HNF4A: variants seen among roughly 807,000 people sequenced by gnomAD.
HNF4A encodes the protein hepatocyte nuclear factor 4-alpha.
In HNF4A, 15 loss-of-function variants were observed where a neutral mutation model predicts 52.4. That is an observed-to-expected ratio of 0.29 (90% CI 0.19 to 0.44). The LOEUF is 0.44. HNF4A is among the 20% of genes least tolerant of loss of function. The pLI, the probability that HNF4A is intolerant of heterozygous loss-of-function variation, is 1.00. For missense variants in HNF4A, 479 were observed against 647.2 expected, an observed-to-expected ratio of 0.74 and a Z score of 2.82; for synonymous variants, 280 against 264.4, an observed-to-expected ratio of 1.06 and a Z score of -0.57.
At chr20:44,374,048 T>C (rs1255619772) in intron 1 of HNF4A, among the ~76,000 whole-genome samples, 1 of 152,186 alleles carries the variant, frequency 6.6e-6, no homozygotes, top group Non-Finnish European at 1.5e-5. Flanking sequence ...TACATGGGTA[T>C]ATTGTGTGAC....
At chr20:44,408,862 G>T (rs995152565) in intron 3 of HNF4A, among the ~76,000 whole-genome samples, 2 of 151,970 alleles carry the variant, frequency 1.3e-5, no homozygotes, top group African/African-American at 4.8e-5. Context: ...GCCAAACCTT[G>T]GTCTAGTCCT....
chr20:44,418,844 C>T (rs920869605), intron 6 of HNF4A, among the ~76,000 whole-genome samples: 5 of 152,122 alleles, frequency 3.3e-5, no homozygotes, highest in South Asian at 2.1e-4. Flanking sequence ...GATGTGATCT[C>T]GGCTCACTTC....
intron 7 of HNF4A, among the ~76,000 whole-genome samples, chr20:44,421,279 C>T (rs997887991): frequency 6.6e-6 from 1 of 152,208 alleles, no homozygotes; most frequent in African/African-American, 2.4e-5. Context: ...GACTTTTGCA[C>T]CTGCATTTAT....
intron 1 of HNF4A, chr20:44,402,479 C>T: frequency 9.4e-7 from 1 of 1,059,778 alleles, no homozygotes; most frequent in Non-Finnish European, 1.3e-6. Context: ...TGCACAGACC[C>T]AAATGCAGGA....
intron 2 of HNF4A, 61 bp downstream of exon 2, chr20:44,406,293 T>C (rs1485179374): frequency 6.7e-7 from 1 of 1,490,294 alleles, no homozygotes; most frequent in African/African-American, 1.4e-5. Flanking sequence ...GGCCCCAAGG[T>C]CTGTCTTCTC....
At chr20:44,405,128 CTG>C (rs2146363019) in intron 1 of HNF4A, among the ~76,000 whole-genome samples, 1 of 35,004 alleles carries the variant, frequency 2.9e-5, no homozygotes, top group South Asian at 8.3e-4. Context: ...TGTGTGTGGA[CTG>C]TGTGGCACAC....
chr20:44,355,790 T>G (rs749349806), exon 1 of HNF4A: 1 of 1,613,366 alleles, frequency 6.2e-7, no homozygotes, highest in South Asian at 1.1e-5. Flanking sequence ...GCTCTCCGGC[T>G]GGGTGGGCTT....
chr20:44,397,333 G>C (rs2063362041), upstream of HNF4A, among the ~76,000 whole-genome samples: 1 of 152,112 alleles, frequency 6.6e-6, no homozygotes, highest in Non-Finnish European at 1.5e-5. Flanking sequence ...TCCCTTGGAG[G>C]AAGGGAATGA....
At chr20:44,421,576 A>C (rs2063744488) in intron 7 of HNF4A, among the ~76,000 whole-genome samples, 1 of 151,944 alleles carries the variant, frequency 6.6e-6, no homozygotes. Context: ...CAACATGGTG[A>C]AACCCCGTCT....
chr20:44,426,843 G>T (rs1318435832), intron 8 of HNF4A, among the ~76,000 whole-genome samples: 1 of 152,120 alleles, frequency 6.6e-6, no homozygotes, highest in African/African-American at 2.4e-5. Flanking sequence ...ATAGTGAAAA[G>T]AGAGTGTCAG....
intron 5 of HNF4A, among the ~76,000 whole-genome samples, chr20:44,417,576 A>G (rs1285630808): frequency 6.6e-6 from 1 of 152,116 alleles, no homozygotes; most frequent in African/African-American, 2.4e-5. Context: ...TGATTTCCCA[A>G]ACAGAATTGC....
At chr20:44,389,634 A>G (rs1168154952) in intron 1 of HNF4A, 1 of 152,194 alleles carries the variant, frequency 6.6e-6, no homozygotes, top group Non-Finnish European at 1.5e-5. Context: ...GACGATTTCC[A>G]TCCTTTATTC....
chr20:44,434,394 A>G (rs566575737), downstream of HNF4A: 1 of 151,956 alleles, frequency 6.6e-6, no homozygotes. Flanking sequence ...TTCGCTGTCT[A>G]CCTGATCCCT....
chr20:44,381,994 C>T lies in HNF4A; in HGVS notation c.50-24064C>T, dbSNP rs116235861. Among the ~76,000 whole-genome samples the T allele has an allele frequency of 7.9e-3, 1,207 of 152,322 alleles. 24 individuals carry two copies. Among genetic ancestry groups the T allele is most frequent in the African/African-American group, 0.028 (1,157 of 41,564 alleles). ...GTTTATAAGGTTTAACACATTTACT[C>T]CACAAAGCAATCTATGAAAAGGTCC... On this transcript the variant is annotated intron_variant, in intron 1 of 9. Coordinates refer to the HNF4A transcript ENST00000316673.
At chr20:44,426,195 T>C (rs2063812822) in intron 8 of HNF4A, among the ~76,000 whole-genome samples, 1 of 151,940 alleles carries the variant, frequency 6.6e-6, no homozygotes, top group East Asian at 1.9e-4. Context: ...TGTTTAATGG[T>C]GTTAAACTCT....
At position 44,414,411 on chromosome 20, in the gene HNF4A, C is replaced by G. The variant is rs3212194; in HGVS notation, c.493-96C>G. 0.18 allele frequency: 288,924 copies of G among 1,574,572 alleles called. 28,715 individuals are homozygous for G. The highest frequency in any genetic ancestry group is 0.21 in the Non-Finnish European group (235,011 of 1,146,026). On this transcript the variant is annotated intron_variant, in intron 4 of 9. Coordinates refer to ENST00000316099, the MANE Select transcript of HNF4A (RefSeq NM_000457.6). ...GGGCACCCACTATCCAGCCCCCTCC[C>G]CACATCTGATTCCAGGGAGGGGGCT...
Position 44,424,145 on chromosome 20 carries a change from G to A in HNF4A, c.1020G>A (p.Leu340=). ...GCCGCTTTGGAGAGCTGCTGCTGCTGCTGCCCACCTTGCAGAGCATCACCT... is the reference window on the plus strand; with the variant it reads ...GCCGCTTTGGAGAGCTGCTGCTGCTACTGCCCACCTTGCAGAGCATCACCT... The change falls in exon 8 of 10, where the codon CTG becomes CTA. Residue 340 remains leucine (L), a synonymous_variant. Transcript: ENST00000316099. 1.2e-6 allele frequency: 2 copies of A among 1,613,698 alleles called. No individual in the cohort carries two copies. Among genetic ancestry groups the A allele is most frequent in the Non-Finnish European group, 1.7e-6 (2 of 1,179,986 alleles).
upstream of HNF4A, among the ~76,000 whole-genome samples, chr20:44,397,579 C>T (rs2063364787): frequency 6.6e-6 from 1 of 151,986 alleles, no homozygotes; most frequent in Non-Finnish European, 1.5e-5. Context: ...TTCTATCTCA[C>T]TTATTTTTGT....
chr20:44,401,238 C>A, upstream of HNF4A: 3 of 1,546,378 alleles, frequency 1.9e-6, no homozygotes, highest in Non-Finnish European at 2.6e-6. Context: ...AGACTCCCAG[C>A]AGATCTTCCC....
Sources: gnomAD v4.1 joint callset for allele counts (sites outside exome capture counted in the v4.1 genomes callset) on GRCh38, gnomAD v4.1.1 for gene constraint, MANE v1.5 for transcripts, NCBI Gene and HGNC (gene_info 2026-07-23, HGNC 2026-07-21) for gene names.